The following GALNTL6 variants were observed in gnomAD, a reference collection of about 807,000 sequenced individuals.
GALNTL6 encodes the protein polypeptide N-acetylgalactosaminyltransferase-like 6.
Under a neutral mutation model 73.7 loss-of-function variants are expected in GALNTL6, and 46 were observed. The ratio of observed to expected loss-of-function variants is 0.62; its 90% CI spans 0.49 to 0.80. The LOEUF (loss-of-function observed/expected upper bound fraction) is 0.80. Among genes scored for constraint, GALNTL6 ranks in the 30% least tolerant of loss-of-function variants. GALNTL6 has a pLI of 0.00. For missense variants in GALNTL6, 604 were observed against 755.0 expected (o/e 0.80, Z 2.34); for synonymous variants, 259 against 263.7 (o/e 0.98, Z 0.17).
At chr4:172,515,349 T>A (rs995465458) in intron 5 of GALNTL6, among the ~76,000 whole-genome samples, 14 of 152,246 alleles carry the variant, frequency 9.2e-5, no homozygotes, top group African/African-American at 1.4e-4. Flanking sequence ...TCTGTTCGCA[T>A]CCTGTACTTG....
At chr4:172,745,425 C>T (rs1409322185) in intron 5 of GALNTL6, among the ~76,000 whole-genome samples, 1 of 114,444 alleles carries the variant, frequency 8.7e-6, no homozygotes, top group Non-Finnish European at 1.9e-5. Flanking sequence ...ATTATCTTTT[C>T]AAAACATATA....
intron 2 of GALNTL6, among the ~76,000 whole-genome samples, chr4:172,166,310 G>T (rs1734623148): frequency 6.6e-6 from 1 of 152,128 alleles, no homozygotes; most frequent in African/African-American, 2.4e-5. Flanking sequence ...GCCAGGCGTG[G>T]TGGCGCATGC....
chr4:172,463,925 A>G (rs887392863), intron 5 of GALNTL6, among the ~76,000 whole-genome samples: 1 of 152,216 alleles, frequency 6.6e-6, no homozygotes, highest in Non-Finnish European at 1.5e-5. Context: ...TATAGCTAAC[A>G]CTTATGAATA....
chr4:172,209,667 A>G (rs1400410172), intron 2 of GALNTL6, among the ~76,000 whole-genome samples: 1 of 152,084 alleles, frequency 6.6e-6, no homozygotes, highest in African/African-American at 2.4e-5. Context: ...AGGTATAATA[A>G]CAGAGGATCA....
chr4:172,066,348 T>C (rs1359660328), intron 2 of GALNTL6, among the ~76,000 whole-genome samples: 1 of 152,150 alleles, frequency 6.6e-6, no homozygotes, highest in Non-Finnish European at 1.5e-5. Context: ...AATCACATAG[T>C]ATGTAACTTT....
At chr4:172,741,241 G>A (rs1233892105) in intron 5 of GALNTL6, among the ~76,000 whole-genome samples, 1 of 152,064 alleles carries the variant, frequency 6.6e-6, no homozygotes. Context: ...CCTTGGGGGT[G>A]ATGCCACCTG....
chr4:172,433,688 C>T (rs942098954), intron 5 of GALNTL6, among the ~76,000 whole-genome samples: 5 of 150,152 alleles, frequency 3.3e-5, no homozygotes, highest in Admixed American at 6.6e-5. Context: ...CCCATCTGCC[C>T]CTTGCCCAGT....
chr4:172,887,535 C>CTTTT (rs1168944499), intron 8 of GALNTL6, among the ~76,000 whole-genome samples: 1 of 121,964 alleles, frequency 8.2e-6, no homozygotes, highest in Non-Finnish European at 1.8e-5. Flanking sequence ...ATATTTTAAC[C>CTTTT]TTTTATTTAT....
In GALNTL6 at chr4:172,179,647, G is replaced by A. The variant is rs571469631; in HGVS notation, c.139-50009G>A. ...TGGTAGTTTCTTTTGCTGTGCAGAAGCTCTTTAGTTTAATTAGATCCCATT... is the reference window on the plus strand; with the variant it reads ...TGGTAGTTTCTTTTGCTGTGCAGAAACTCTTTAGTTTAATTAGATCCCATT... On this transcript the variant is annotated intron_variant, in intron 2 of 12. Coordinates refer to ENST00000506823, the MANE Select transcript of GALNTL6 (RefSeq NM_001034845.3). Among the ~76,000 whole-genome samples, 13 of 147,746 alleles carry A rather than the reference G, an allele frequency of 8.8e-5. No individual in the cohort carries two copies. The South Asian group carries it at 2.7e-3, about 31-fold the overall frequency.
At chr4:172,759,857 T>G in intron 5 of GALNTL6, among the ~76,000 whole-genome samples, 2 of 118,150 alleles carry the variant, frequency 1.7e-5, no homozygotes, top group South Asian at 3.1e-4. Context: ...TGAGACGGAG[T>G]CTCGCTCTGT....
At chr4:172,913,922 C>T (rs931259857) in intron 8 of GALNTL6, among the ~76,000 whole-genome samples, 1 of 152,042 alleles carries the variant, frequency 6.6e-6, no homozygotes, top group African/African-American at 2.4e-5. Flanking sequence ...AGAAGAGCAA[C>T]CCCAAGACAC....
intron 4 of GALNTL6, among the ~76,000 whole-genome samples, chr4:172,320,244 C>T (rs1324786198): frequency 2.0e-5 from 3 of 151,982 alleles, no homozygotes; most frequent in Non-Finnish European, 2.9e-5. Flanking sequence ...GGTGATTTCA[C>T]GTGAGTGATG....
At chr4:172,775,494 T>G (rs1739022460) in intron 5 of GALNTL6, among the ~76,000 whole-genome samples, 1 of 152,202 alleles carries the variant, frequency 6.6e-6, no homozygotes. Context: ...ATAGGCAATG[T>G]CTGTAATCTT....
rs941442905 is a variant in GALNTL6 at position 172,751,689 on chromosome 4, T to C, written c.554-57672T>C. Among the ~76,000 whole-genome samples the C allele has an allele frequency of 8.5e-5, 13 of 152,318 alleles. No individual in the cohort carries two copies. The East Asian group carries it at 2.5e-3, about 29-fold the overall frequency. ...CACAGCATATGCCCAATTGACAGCC[T>C]CTGGGCACATCCACAAGACACAAAA... On this transcript the variant is annotated intron_variant, in intron 5 of 12. Transcript: ENST00000506823.
intron 2 of GALNTL6, among the ~76,000 whole-genome samples, chr4:172,038,304 C>T (rs1423105085): frequency 6.7e-6 from 1 of 149,374 alleles, no homozygotes; most frequent in East Asian, 2.0e-4. Flanking sequence ...TCCTAAACAT[C>T]GGTATTTGTG....
At chr4:172,607,100 T>G (rs1446458897) in intron 5 of GALNTL6, among the ~76,000 whole-genome samples, 1 of 152,016 alleles carries the variant, frequency 6.6e-6, no homozygotes, top group East Asian at 1.9e-4. Context: ...TTTGAAGTCT[T>G]GGAAGTATTT....
At chr4:172,414,925 TAA>T (rs1744571788) in intron 5 of GALNTL6, among the ~76,000 whole-genome samples, 1 of 152,228 alleles carries the variant, frequency 6.6e-6, no homozygotes, top group Non-Finnish European at 1.5e-5. Context: ...TCTTGGTCAA[TAA>T]AAGTCTCTTA....
chr4:172,953,709 C>T (rs1409029910), intron 10 of GALNTL6, among the ~76,000 whole-genome samples: 1 of 152,224 alleles, frequency 6.6e-6, no homozygotes, highest in Non-Finnish European at 1.5e-5. Flanking sequence ...AAGAGTCAAT[C>T]CTGCCACTAC....
intron 7 of GALNTL6, among the ~76,000 whole-genome samples, chr4:172,823,241 G>A (rs897097183): frequency 3.3e-5 from 5 of 152,188 alleles, no homozygotes; most frequent in African/African-American, 1.2e-4. Context: ...CTATATATTA[G>A]CTTCATTTCA....
Sources: gnomAD v4.1 joint callset for allele counts (sites outside exome capture counted in the v4.1 genomes callset) on GRCh38, gnomAD v4.1.1 for gene constraint, MANE v1.5 for transcripts, NCBI Gene and HGNC (gene_info 2026-07-23, HGNC 2026-07-21) for gene names.